The following EXD3 variants were observed in gnomAD, a reference collection of about 807,000 sequenced individuals.
The protein encoded by EXD3 is exonuclease mut-7 homolog.
In EXD3, 92 loss-of-function variants were observed where a neutral mutation model predicts 98.0. That is an observed-to-expected ratio of 0.94 (90% CI 0.79 to 1.12). EXD3 has a LOEUF of 1.12. Ranked by LOEUF, EXD3 falls within the 50% of genes most tolerant of loss-of-function variation. The probability of loss-of-function intolerance (pLI) is 0.00; values close to 1 mark genes in which losing one functional copy is unlikely to be tolerated. For synonymous variants in EXD3, 569 were observed against 526.0 expected, an observed-to-expected ratio of 1.08 and a Z score of -1.12; for missense variants, 1,222 against 1,191.6, an observed-to-expected ratio of 1.03 and a Z score of -0.38.
chr9:137,307,515 C>T lies in EXD3; in HGVS notation c.2317+93G>A, dbSNP rs555935525. 243 of 1,504,096 alleles carry T rather than the reference C, an allele frequency of 1.6e-4. 1 individual carries two copies. The African/African-American group carries it at 1.9e-3, about 12-fold the overall frequency. The allele number at this position is 1,504,096 out of a possible 1,614,324, so 93.2% of individuals were successfully genotyped here. The stretch of plus-strand genomic sequence containing the variant: ...GGAGCCCCACAGAGCCCCCTCTGCC[C>T]GGCCGGGACCCAAGTCCCCCATTCT... On this transcript the variant is annotated intron_variant, in intron 21 of 21. Transcript: ENST00000340951.
At chr9:137,346,740 G>A (rs1464176717) in intron 17 of EXD3, among the ~76,000 whole-genome samples, 1 of 147,314 alleles carries the variant, frequency 6.8e-6, no homozygotes, top group Non-Finnish European at 1.5e-5. Flanking sequence ...CTCATCCCCT[G>A]ATTCTAAAAC....
rs1564508178 is a variant in EXD3, at chr9:137,355,479, GGAGGAA to G, written c.758-712_758-707del. 1.9e-3 allele frequency among the ~76,000 whole-genome samples: 207 copies of G among 110,484 alleles called. 2 individuals are homozygous for G. The highest frequency in any genetic ancestry group is 0.01 in the Middle Eastern group (2 of 198). The allele number at this position is 110,484 out of a possible 152,430, so 72.5% of individuals were successfully genotyped here. ...GGAAGGAGAAAGGAGGAAGGAGGAA[GGAGGAA>G]GGAGGATGGAGGAAGGAGGAAGGAG... On this transcript the variant is annotated intron_variant, in intron 8 of 21. Transcript: ENST00000340951.
chr9:137,400,714 G>A (rs969494645), intron 1 of EXD3, among the ~76,000 whole-genome samples: 2 of 151,472 alleles, frequency 1.3e-5, no homozygotes, highest in African/African-American at 2.4e-5. Context: ...GCAATGAGCC[G>A]AGATCGCGCC....
intron 17 of EXD3, among the ~76,000 whole-genome samples, chr9:137,331,190 G>A (rs776568564): frequency 2.6e-5 from 4 of 152,114 alleles, no homozygotes; most frequent in Non-Finnish European, 4.4e-5. Flanking sequence ...CAAAGCACTT[G>A]ACAAAATCTA....
chr9:137,352,135 G>C lies in EXD3; in HGVS notation c.1104C>G (p.Ile368Met). The change falls in exon 12 of 22, where the codon ATC (isoleucine) becomes ATG (methionine). Residue 368 changes from isoleucine to methionine, a missense_variant. Physicochemically the swap from Ile to Met is conservative, Grantham distance 10. Transcript: ENST00000340951. ...DMKDRYYQLP[I>M]PRENVHLLAS... ...CCAGGAGGTGGACGTTCTCCCTGGG[G>C]ATGGGCAGCTGGTAGTAACGGTCCT... 6.2e-7 allele frequency: 1 copy of C among 1,612,894 alleles called. No individual in the cohort carries two copies. Among genetic ancestry groups the C allele is most frequent in the Non-Finnish European group, 8.5e-7 (1 of 1,179,760 alleles).
At chr9:137,409,839 G>A (rs1190654973) in intron 1 of EXD3, among the ~76,000 whole-genome samples, 1 of 152,200 alleles carries the variant, frequency 6.6e-6, no homozygotes, top group Non-Finnish European at 1.5e-5. Context: ...CCAGCTCCCT[G>A]ATGGGGCGAC....
At chr9:137,413,100 CTTTGAGAT>C (rs1004895868) in intron 1 of EXD3, among the ~76,000 whole-genome samples, 2 of 152,108 alleles carry the variant, frequency 1.3e-5, no homozygotes, top group Admixed American at 6.5e-5. Context: ...TGCTCTATAA[CTTTGAGAT>C]ATAATTCACA....
Position 137,309,676 on chromosome 9 carries a change from T to C in EXD3, c.2209A>G (p.Lys737Glu). The C allele has an allele frequency of 1.9e-6, 3 of 1,557,794 alleles. No homozygotes were observed. The highest frequency in any genetic ancestry group is 2.6e-6 in the Non-Finnish European group (3 of 1,150,902). Residue 737 changes from lysine to glutamate, a missense_variant, in exon 20 of 22, where the codon AAG (lysine) becomes GAG (glutamate). Lys to Glu is a moderately conservative substitution (Grantham distance 56, BLOSUM62 1). Transcript: ENST00000340951. ...CQACNCDQYL[K>E]VSRDMMKQLM... ...TGCTTCATCATGTCCCTGGAGACCT[T>C]TAGGTACTGGTCACAGTTACAGGCC...
intron 17 of EXD3, among the ~76,000 whole-genome samples, chr9:137,341,514 GCCGTCTC>G: frequency 6.6e-6 from 1 of 151,798 alleles, no homozygotes; most frequent in Admixed American, 6.6e-5. Flanking sequence ...GGCACCAGGA[GCCGTCTC>G]CCAGGAGTCA....
rs554556126 is a variant in EXD3 at position 137,407,550 on chromosome 9, C to T, written c.-47-12146G>A. On this transcript the variant is annotated intron_variant, in intron 1 of 21. Coordinates refer to ENST00000340951, the MANE Select transcript of EXD3 (RefSeq NM_017820.5). The surrounding 1 kb of genome is among the most constrained non-coding windows in gnomAD (Gnocchi z 4.4). ...TCCCCGCCCCCATCTCCCGGGATCC[C>T]TTGGCTAAGGGAGGGTGACTGGTGG... Among the ~76,000 whole-genome samples the T allele has an allele frequency of 6.6e-6, 1 of 152,194 alleles. No homozygotes were observed.
At position 137,355,568 on chromosome 9, in the gene EXD3, G is replaced by GA. The variant is rs1564508562; in HGVS notation, c.757+699dup. Among the ~76,000 whole-genome samples the GA allele has an allele frequency of 5.4e-5, 2 of 37,356 alleles. 1 individual carries two copies. The highest frequency in any genetic ancestry group is 2.2e-4 in the African/African-American group (2 of 9,268). 24.5% of individuals were successfully genotyped at this position (37,356 alleles called of 152,430 possible). ...GAGGAAGGAGGAAGGAGGAAGGGAG[G>GA]ATGGAGGAAGGAGGAAGGAGAAAGG... On this transcript the variant is annotated intron_variant, in intron 8 of 21. Transcript: ENST00000340951.
In EXD3 at chr9:137,407,636, G is replaced by C. The variant is rs377585151; in HGVS notation, c.-47-12232C>G. On this transcript the variant is annotated intron_variant, in intron 1 of 21. Transcript: ENST00000340951. The surrounding 1 kb of genome is among the most constrained non-coding windows in gnomAD (Gnocchi z 4.4). ...GATGGAGACGCAGCTCCAGACCCCA[G>C]AGTGCGGCCCCCCAGACACACCCAC... Among the ~76,000 whole-genome samples the C allele has an allele frequency of 7.4e-4, 112 of 152,318 alleles. 3 individuals are homozygous for C. The South Asian group carries it at 0.021, about 29-fold the overall frequency.
chr9:137,377,445 TAAAA>T, intron 3 of EXD3, among the ~76,000 whole-genome samples: 1 of 94,480 alleles, frequency 1.1e-5, no homozygotes. Context: ...ACTCTGTCTC[TAAAA>T]AAAAAAAAAA....
At chr9:137,391,294 C>T (rs565756993) in intron 2 of EXD3, among the ~76,000 whole-genome samples, 1 of 152,356 alleles carries the variant, frequency 6.6e-6, no homozygotes, top group South Asian at 2.1e-4. Context: ...GCCCTGTTCA[C>T]CGCCGTGTCC....
chr9:137,365,996 G>A, intron 7 of EXD3: 1 of 575,298 alleles, frequency 1.7e-6, no homozygotes, highest in Non-Finnish European at 3.3e-6. Context: ...ATGCACACCT[G>A]CAGGCACACA....
chr9:137,413,733 C>T (rs934610464), intron 1 of EXD3, among the ~76,000 whole-genome samples: 5 of 151,766 alleles, frequency 3.3e-5, no homozygotes, highest in South Asian at 4.1e-4. Context: ...GAACTCCTGA[C>T]CTCACGTGAT....
At chr9:137,327,217 T>A (rs1223207896) in intron 17 of EXD3, among the ~76,000 whole-genome samples, 1 of 151,900 alleles carries the variant, frequency 6.6e-6, no homozygotes, top group Non-Finnish European at 1.5e-5. Context: ...CACTGCAAGT[T>A]CTGCCTCCCG....
chr9:137,355,499 A>AGGAGGAAGGAGGAAGGAGAAAG (rs1834630419), intron 8 of EXD3, among the ~76,000 whole-genome samples: 1 of 27,720 alleles, frequency 3.6e-5, no homozygotes, highest in Non-Finnish European at 8.4e-5. Context: ...GGATGGAGGA[A>AGGAGGAAGGAGGAAGGAGAAAG]GGAGGAAGGA....
In EXD3 at chr9:137,353,799, C is replaced by T. The variant is rs567291900; in HGVS notation, c.870+540G>A. 132 of 986,132 alleles carry T rather than the reference C, an allele frequency of 1.3e-4. No homozygotes were observed. The African/African-American group carries it at 1.9e-3, about 14-fold the overall frequency. The allele number at this position is 986,132 out of a possible 1,614,324, so 61.1% of individuals were successfully genotyped here. On this transcript the variant is annotated intron_variant, in intron 10 of 21. Coordinates refer to ENST00000340951, the MANE Select transcript of EXD3 (RefSeq NM_017820.5). ...CTGCCCAGCAGGCTGAGCTCCTGCA[C>T]GACCTCCCACCCCACGGCCTCGAGG...
Sources: allele counts gnomAD v4.1 joint callset (sites outside exome capture counted in the v4.1 genomes callset), GRCh38; gene constraint gnomAD v4.1.1; non-coding constraint Gnocchi (gnomAD v3.1); transcripts MANE v1.5; gene names NCBI Gene and HGNC (gene_info 2026-07-23, HGNC 2026-07-21).